The following PALM2AKAP2 variants were observed in gnomAD, a reference collection of about 807,000 sequenced individuals.
PALM2AKAP2 encodes PALM2 and AKAP2 fusion.
A neutral mutation model predicts 71.5 loss-of-function variants in PALM2AKAP2; 37 were observed. The ratio of observed to expected loss-of-function variants is 0.52; its 90% confidence interval spans 0.40 to 0.68. The LOEUF is 0.68. PALM2AKAP2 is among the 30% of genes least tolerant of loss of function. PALM2AKAP2 has a pLI of 0.00. For synonymous variants in PALM2AKAP2, 468 were observed against 478.8 expected, an observed-to-expected ratio of 0.98 and a Z score of 0.29; for missense variants, 1,224 against 1,191.8, an observed-to-expected ratio of 1.03 and a Z score of -0.40.
chr9:110,051,124 G>C (rs1346064635), intron 1 of PALM2AKAP2, among the ~76,000 whole-genome samples: 1 of 152,218 alleles, frequency 6.6e-6, no homozygotes, highest in East Asian at 1.9e-4. Context: ...GAGATGCTAG[G>C]ATGAGAGGAA....
intron 5 of PALM2AKAP2, among the ~76,000 whole-genome samples, chr9:109,931,386 C>A (rs913477505): frequency 4.6e-5 from 7 of 152,182 alleles, no homozygotes; most frequent in African/African-American, 1.4e-4. Context: ...AACATGAGAT[C>A]AATTCTGAAG....
At chr9:109,996,680 A>G (rs1398443397) in intron 6 of PALM2AKAP2, among the ~76,000 whole-genome samples, 1 of 152,238 alleles carries the variant, frequency 6.6e-6, no homozygotes, top group South Asian at 2.1e-4. Flanking sequence ...TGACAGAGAA[A>G]AGCTCTTTTC....
chr9:109,724,992 C>T (rs1225817678), intron 1 of PALM2AKAP2, among the ~76,000 whole-genome samples: 2 of 151,934 alleles, frequency 1.3e-5, no homozygotes, highest in Non-Finnish European at 2.9e-5. Context: ...ATATGAACAC[C>T]TAAATAGACA....
intron 1 of PALM2AKAP2, among the ~76,000 whole-genome samples, chr9:109,839,076 C>A (rs950469352): frequency 2.0e-5 from 3 of 151,988 alleles, no homozygotes; most frequent in African/African-American, 7.2e-5. Context: ...GGCAGAGACA[C>A]AACAAAAAAA....
intron 1 of PALM2AKAP2, among the ~76,000 whole-genome samples, chr9:109,794,999 A>T (rs184379407): frequency 4.5e-4 from 68 of 152,312 alleles, no homozygotes; most frequent in African/African-American, 1.6e-3. Context: ...AATTCTCTAG[A>T]TGGGCTACTT....
intron 6 of PALM2AKAP2, among the ~76,000 whole-genome samples, chr9:109,954,356 A>G (rs1350436680): frequency 6.6e-6 from 1 of 152,186 alleles, no homozygotes; most frequent in Admixed American, 6.5e-5. Flanking sequence ...AATAGACCAC[A>G]TCATCTCCCC....
chr9:109,958,452 A>T (rs1042210481), intron 6 of PALM2AKAP2, among the ~76,000 whole-genome samples: 1 of 152,324 alleles, frequency 6.6e-6, no homozygotes, highest in East Asian at 1.9e-4. Flanking sequence ...ACTTAGAGGA[A>T]GTCATTTTTC....
intron 1 of PALM2AKAP2, among the ~76,000 whole-genome samples, chr9:109,782,961 C>A (rs1049855709): frequency 2.0e-5 from 3 of 152,080 alleles, no homozygotes; most frequent in Non-Finnish European, 4.4e-5. Context: ...AGATCACAAG[C>A]CTGCCCCCAG....
intron 7 of PALM2AKAP2, among the ~76,000 whole-genome samples, chr9:110,032,691 AAAAT>A (rs200694533): frequency 0.28 from 36,676 of 130,958 alleles, 5,485 homozygotes; most frequent in South Asian, 0.32. Context: ...ATTCTGTCTC[AAAAT>A]AAATAAATAA....
intron 6 of PALM2AKAP2, among the ~76,000 whole-genome samples, chr9:109,990,247 C>T (rs13299373): frequency 0.28 from 43,031 of 151,574 alleles, 7,704 homozygotes; most frequent in Non-Finnish European, 0.41. Context: ...TTGGTAGAGA[C>T]GGGGTTCCAG....
intron 1 of PALM2AKAP2, among the ~76,000 whole-genome samples, chr9:109,822,438 T>C (rs1464553038): frequency 6.6e-6 from 1 of 152,188 alleles, no homozygotes; most frequent in Non-Finnish European, 1.5e-5. Flanking sequence ...GTAAATTGCA[T>C]GTCACGGGGG....
intron 1 of PALM2AKAP2, among the ~76,000 whole-genome samples, chr9:109,834,135 C>T (rs1399583633): frequency 6.6e-6 from 1 of 152,210 alleles, no homozygotes; most frequent in African/African-American, 2.4e-5. Context: ...ATCGCTTGAA[C>T]CTGGGAGGTG....
At chr9:109,728,346 T>C (rs1330938292) in intron 1 of PALM2AKAP2, among the ~76,000 whole-genome samples, 1 of 152,230 alleles carries the variant, frequency 6.6e-6, no homozygotes, top group African/African-American at 2.4e-5. Flanking sequence ...TTACATCTCA[T>C]AGTTAATCAA....
intron 1 of PALM2AKAP2, among the ~76,000 whole-genome samples, chr9:110,106,570 T>A (rs888647942): frequency 2.0e-5 from 3 of 151,988 alleles, no homozygotes; most frequent in Non-Finnish European, 2.9e-5. Context: ...AAGAGGGTGG[T>A]GATGGGTGCT....
chr9:109,898,144 G>A (rs1830246911), intron 3 of PALM2AKAP2, among the ~76,000 whole-genome samples: 2 of 152,188 alleles, frequency 1.3e-5, no homozygotes, highest in Non-Finnish European at 2.9e-5. Flanking sequence ...TATTGTTGTT[G>A]TTGTCGTTTA....
At chr9:109,913,968 G>A (rs879380874) in intron 3 of PALM2AKAP2, among the ~76,000 whole-genome samples, 2 of 152,078 alleles carry the variant, frequency 1.3e-5, no homozygotes, top group Non-Finnish European at 2.9e-5. Context: ...ATGTTAGCCA[G>A]GATGGTCTTG....
chr9:109,976,882 T>TG (rs1324311356), intron 6 of PALM2AKAP2, among the ~76,000 whole-genome samples: 3 of 152,170 alleles, frequency 2.0e-5, no homozygotes, highest in Non-Finnish European at 2.9e-5. Flanking sequence ...AACCAGGGGA[T>TG]GCCACAGTGT....
intron 1 of PALM2AKAP2, among the ~76,000 whole-genome samples, chr9:110,123,800 G>T (rs983510265): frequency 6.6e-6 from 1 of 152,202 alleles, no homozygotes; most frequent in Non-Finnish European, 1.5e-5. Flanking sequence ...TGGGTCCCGG[G>T]TGCCCCTCTT....
At position 109,648,781 on chromosome 9, in the gene PALM2AKAP2, T is replaced by C. The variant is rs1355836867; in HGVS notation, c.5+7915T>C. ...CCCTTTCATCAATGACATCCTCTTT[T>C]TTGAGCATCTTATAGGTTGATTTAG... On this transcript the variant is annotated intron_variant, in intron 1 of 6. Coordinates refer to the PALM2AKAP2 transcript ENST00000374531. Among the ~76,000 whole-genome samples, 3 of 152,220 alleles carry C rather than the reference T, an allele frequency of 2.0e-5. No individual in the cohort carries two copies. The East Asian group carries it at 5.8e-4, about 29-fold the overall frequency.
Sources: gnomAD v4.1 joint callset for allele counts (sites outside exome capture counted in the v4.1 genomes callset) on GRCh38, gnomAD v4.1.1 for gene constraint, MANE v1.5 for transcripts, NCBI Gene and HGNC (gene_info 2026-07-23, HGNC 2026-07-21) for gene names.